CHST9: variants seen among roughly 807,000 people sequenced by gnomAD.
CHST9 encodes GalNAc-4-sulfotransferase 2.
A neutral mutation model predicts 44.4 loss-of-function variants in CHST9; 41 were observed. The observed-to-expected ratio is 0.92, with a 90% CI of 0.72 to 1.20. The LOEUF (loss-of-function observed/expected upper bound fraction) is 1.20, where lower values mean the gene tolerates loss of function less well. Ranked by LOEUF, CHST9 falls within the 50% of genes most tolerant of loss-of-function variation. The probability of loss-of-function intolerance (pLI) is 0.00; values close to 1 mark genes in which losing one functional copy is unlikely to be tolerated. For missense variants in CHST9, 504 were observed against 516.5 expected (o/e 0.98, Z 0.23); for synonymous variants, 171 against 178.4 (o/e 0.96, Z 0.33).
At position 26,997,255 on chromosome 18, in the gene CHST9, C is replaced by T. The variant is rs559886654; in HGVS notation, c.202+26861G>A. Among the ~76,000 whole-genome samples the T allele has an allele frequency of 3.2e-4, 48 of 152,238 alleles. 1 individual carries two copies. The highest frequency in any genetic ancestry group is 1.0e-3 in the African/African-American group (43 of 41,534). ...AACTTTCTTAAAATAAGTAATTCTCCAGCATATAACTGCAAACAAAATTCT... is the reference window on the plus strand; with the variant it reads ...AACTTTCTTAAAATAAGTAATTCTCTAGCATATAACTGCAAACAAAATTCT... On this transcript the variant is annotated intron_variant, in intron 4 of 5. Transcript: ENST00000618847.
chr18:26,917,137 G>A lies in CHST9; in HGVS notation c.454C>T (p.Pro152Ser). 6.2e-7 allele frequency: 1 copy of A among 1,613,768 alleles called. No individual in the cohort carries two copies. Among genetic ancestry groups the A allele is most frequent in the Non-Finnish European group, 8.5e-7 (1 of 1,179,820 alleles). Residue 152 changes from proline to serine, a missense_variant, in exon 6 of 6, where the codon CCA (proline) becomes TCA (serine). By Grantham distance (74) the Pro-to-Ser change is moderately conservative (BLOSUM62 -1). Transcript: ENST00000618847. ...VFNKFSNMNW[P>S]VDIHPLNKSL... The stretch of plus-strand genomic sequence containing the variant: ...TTGTTTAAAGGGTGAATGTCCACTG[G>A]CCAATTCATGTTGCTGAACTTGTTA...
At position 27,000,642 on chromosome 18, in the gene CHST9, ATCTATCTATCTATCTC is replaced by A. The variant is rs1184650545; in HGVS notation, c.202+23458_202+23473del. Reference sequence around the variant, plus strand: ...GTTTTGTCTATCTATCTATCTATCTATCTATCTATCTATCTCTCTATCTATCTATTATTCTATCTAT... The same window carrying A: ...GTTTTGTCTATCTATCTATCTATCTATCTATCTATCTATTATTCTATCTAT... On this transcript the variant is annotated intron_variant, in intron 4 of 5. Coordinates refer to ENST00000618847, the MANE Select transcript of CHST9 (RefSeq NM_031422.6). Among the ~76,000 whole-genome samples the A allele has an allele frequency of 1.2e-3, 181 of 151,588 alleles. 1 individual carries two copies. The highest frequency in any genetic ancestry group is 0.01 in the Middle Eastern group (3 of 294).
chr18:27,147,109 G>T (rs1162155932), intron 1 of CHST9, among the ~76,000 whole-genome samples: 1 of 151,838 alleles, frequency 6.6e-6, no homozygotes, highest in Non-Finnish European at 1.5e-5. Flanking sequence ...TTGTTGCCCA[G>T]GCTGGAGTGC....
chr18:26,965,522 C>T (rs1657578265), intron 4 of CHST9, among the ~76,000 whole-genome samples: 1 of 152,190 alleles, frequency 6.6e-6, no homozygotes, highest in Non-Finnish European at 1.5e-5. Flanking sequence ...AATTCACAGA[C>T]CTAAGTTCAA....
intron 2 of CHST9, among the ~76,000 whole-genome samples, chr18:27,136,676 A>G (rs993233077): frequency 1.3e-5 from 2 of 152,204 alleles, no homozygotes; most frequent in African/African-American, 4.8e-5. Flanking sequence ...CTGGGACCCA[A>G]TAACTGCTAA....
At chr18:26,984,867 T>G (rs1417113334) in intron 4 of CHST9, among the ~76,000 whole-genome samples, 2 of 152,122 alleles carry the variant, frequency 1.3e-5, no homozygotes, top group Non-Finnish European at 2.9e-5. Context: ...AGTGAGGGTA[T>G]AGATGAAAAG....
intron 3 of CHST9, among the ~76,000 whole-genome samples, chr18:27,025,605 A>C (rs1432693412): frequency 6.6e-6 from 1 of 152,160 alleles, no homozygotes; most frequent in Admixed American, 6.5e-5. Flanking sequence ...GGTACTGGCC[A>C]TTCTACTTGA....
chr18:27,072,895 G>A (rs542195021), intron 2 of CHST9, among the ~76,000 whole-genome samples: 1 of 152,198 alleles, frequency 6.6e-6, no homozygotes, highest in African/African-American at 2.4e-5. Context: ...CAAAGTATGG[G>A]GGACAAGCCG....
intron 2 of CHST9, among the ~76,000 whole-genome samples, chr18:27,066,032 G>A (rs189842528): frequency 6.6e-6 from 1 of 152,254 alleles, no homozygotes; most frequent in South Asian, 2.1e-4. Flanking sequence ...CCCCAGTAAA[G>A]GTGGCATGTA....
intron 2 of CHST9, among the ~76,000 whole-genome samples, chr18:27,090,644 A>G (rs2143714309): frequency 6.6e-6 from 1 of 152,366 alleles, no homozygotes; most frequent in East Asian, 1.9e-4. Context: ...GAAGGGATCC[A>G]GTTTCAGCTT....
chr18:27,013,914 T>C (rs996315326), intron 4 of CHST9, among the ~76,000 whole-genome samples: 11 of 152,206 alleles, frequency 7.2e-5, no homozygotes, highest in African/African-American at 2.4e-4. Context: ...TAAAAGTAGG[T>C]TGGGCACACC....
intron 4 of CHST9, among the ~76,000 whole-genome samples, chr18:26,950,595 A>G (rs335923): frequency 0.34 from 52,464 of 152,076 alleles, 9,715 homozygotes; most frequent in East Asian, 0.48. Flanking sequence ...GCTAGAGGCC[A>G]TTATCCTAAG....
intron 4 of CHST9, among the ~76,000 whole-genome samples, chr18:26,956,131 C>A (rs954704648): frequency 2.0e-5 from 3 of 151,556 alleles, no homozygotes; most frequent in Non-Finnish European, 4.4e-5. Flanking sequence ...CCTGTCTCTA[C>A]TGAAAATACT....
chr18:27,060,303 A>C (rs377716796), intron 2 of CHST9, among the ~76,000 whole-genome samples: 11 of 152,322 alleles, frequency 7.2e-5, no homozygotes, highest in Admixed American at 4.6e-4. Context: ...TAATAGAGAC[A>C]TGGAGGAAGA....
At chr18:26,921,051 C>T (rs2145058062) in intron 5 of CHST9, among the ~76,000 whole-genome samples, 1 of 152,222 alleles carries the variant, frequency 6.6e-6, no homozygotes, top group African/African-American at 2.4e-5. Context: ...CATTTGGGGA[C>T]TACTGAACTA....
intron 4 of CHST9, among the ~76,000 whole-genome samples, chr18:26,963,152 G>T (rs1455164672): frequency 6.6e-6 from 1 of 152,088 alleles, no homozygotes; most frequent in South Asian, 2.1e-4. Context: ...CACTCATGGG[G>T]TCATATGTGA....
chr18:27,146,512 A>G (rs1438347921), intron 1 of CHST9, among the ~76,000 whole-genome samples: 1 of 152,226 alleles, frequency 6.6e-6, no homozygotes, highest in Non-Finnish European at 1.5e-5. Flanking sequence ...TCATATATCT[A>G]TCTCCAAGCC....
intron 2 of CHST9, among the ~76,000 whole-genome samples, chr18:27,060,101 C>T (rs1162571479): frequency 6.6e-6 from 1 of 152,122 alleles, no homozygotes; most frequent in African/African-American, 2.4e-5. Flanking sequence ...GAGAAAACAA[C>T]CAGAGCACAT....
chr18:27,114,219 G>A (rs554642307), intron 2 of CHST9, among the ~76,000 whole-genome samples: 1 of 152,232 alleles, frequency 6.6e-6, no homozygotes, highest in South Asian at 2.1e-4. Flanking sequence ...CAATTATAAC[G>A]ACGGAATCTT....
Sources: gnomAD v4.1 joint callset for allele counts (sites outside exome capture counted in the v4.1 genomes callset) on GRCh38, gnomAD v4.1.1 for gene constraint, MANE v1.5 for transcripts, NCBI Gene and HGNC (gene_info 2026-07-23, HGNC 2026-07-21) for gene names.